The following UPF3B variants were observed in gnomAD, a reference collection of about 807,000 sequenced individuals.
UPF3B encodes the protein regulator of nonsense transcripts 3B.
In UPF3B, 7 loss-of-function variants were observed where a neutral mutation model predicts 40.3. The ratio of observed to expected loss-of-function variants is 0.17; its 90% confidence interval spans 0.10 to 0.33. The LOEUF (loss-of-function observed/expected upper bound fraction) is 0.33. Among genes scored for constraint, UPF3B ranks in the 10% least tolerant of loss-of-function variants. UPF3B has a pLI of 1.00. For synonymous variants in UPF3B, 117 were observed against 117.3 expected, an observed-to-expected ratio of 1.00 and a Z score of 0.01; for missense variants, 229 against 358.9, an observed-to-expected ratio of 0.64 and a Z score of 2.93.
intron 4 of UPF3B, among the ~76,000 whole-genome samples, chrX:119,816,190 A>G (rs2055863830): frequency 8.9e-6 from 1 of 111,732 alleles, no homozygotes; most frequent in Non-Finnish European, 1.9e-5. Flanking sequence ...GAAAGGTGGC[A>G]CTGGGGAAAG....
In UPF3B at chrX:119,834,120, T is replaced by C. The variant is rs2147778306; in HGVS notation, c.*758A>G. Reference sequence around the variant, plus strand: ...AGGAATAGACACTGGTGCAGTTTCCTTCCTGGAGAGGGTATGCACTCAGAT... The same window carrying C: ...AGGAATAGACACTGGTGCAGTTTCCCTCCTGGAGAGGGTATGCACTCAGAT... On this transcript the variant is annotated 3_prime_UTR_variant, in exon 11 of 11. Transcript: ENST00000276201. The C allele has an allele frequency of 1.3e-6, 1 of 754,682 alleles. No homozygotes were observed. Among genetic ancestry groups the C allele is most frequent in the Non-Finnish European group, 1.6e-6 (1 of 639,281 alleles). 62.2% of individuals were successfully genotyped at this position (754,682 alleles called of 1,213,427 possible).
chrX:119,838,439 T>C lies in UPF3B; in HGVS notation c.935A>G (p.Glu312Gly), dbSNP rs753647905. The change falls in exon 9 of 11, where the codon GAA becomes GGA. Residue 312 changes from glutamate to glycine, a missense_variant. By Grantham distance (98) the Glu-to-Gly change is moderately conservative. Around this residue, in one of 3 missense-constraint regions of UPF3B, gnomAD observed 119 missense variants for 153.8 expected, o/e 0.77. Transcript: ENST00000276201. Reference protein sequence around the residue: ...KKLDKENLSDERASGQSCTLP... With the variant: ...KKLDKENLSDGRASGQSCTLP... ...TGTACAACTTTGCCCACTGGCTCTT[T>C]CATCACTGAGATTCTCTTTGTCCAA... 8.3e-7 allele frequency: 1 copy of C among 1,212,049 alleles called. No homozygotes were observed. The highest frequency in any genetic ancestry group is 1.1e-6 in the Non-Finnish European group (1 of 895,410).
At chrX:119,849,486 T>A (rs2056274332) in intron 3 of UPF3B, among the ~76,000 whole-genome samples, 1 of 83,120 alleles carries the variant, frequency 1.2e-5, no homozygotes, top group Admixed American at 1.5e-4. Flanking sequence ...GAGTTAAGAC[T>A]CTGTCTCAAA....
intron 6 of UPF3B, among the ~76,000 whole-genome samples, chrX:119,806,415 A>G (rs1459937950): frequency 2.0e-5 from 2 of 101,924 alleles, no homozygotes; most frequent in South Asian, 4.8e-4. Flanking sequence ...GCACACCAGC[A>G]TGGCACATGT....
intron 4 of UPF3B, among the ~76,000 whole-genome samples, chrX:119,818,318 T>A (rs2428992): frequency 9.1e-6 from 1 of 109,460 alleles, no homozygotes; most frequent in African/African-American, 3.3e-5. Context: ...AAGCATCGGC[T>A]GGGTGTGGTG....
chrX:119,838,610 A>G lies in UPF3B; in HGVS notation c.847-83T>C, dbSNP rs2056128765. ...AAACCCAGTATACCAAATATTTAAA[A>G]TTTAGACTAGACAAAGCCCCCTATC... On this transcript the variant is annotated intron_variant, in intron 8 of 10. Transcript: ENST00000276201. 5 of 1,005,252 alleles carry G rather than the reference A, an allele frequency of 5.0e-6. No homozygotes were observed. The Admixed American group carries it at 1.2e-4, about 24-fold the overall frequency. 82.8% of individuals were successfully genotyped at this position (1,005,252 alleles called of 1,213,427 possible). A position where few individuals can be genotyped will look rare whatever the true frequency, so the allele number is the denominator to read the frequency against.
rs1432793884 is a variant in UPF3B at position 119,845,208 on chromosome X, A to G, written c.459T>C (p.Thr153=). Residue 153 remains threonine (T), a synonymous_variant, in exon 4 of 11, where the codon ACT becomes ACC. Transcript: ENST00000276201. The stretch of plus-strand genomic sequence containing the variant: ...AGAGCTATACTGTACCATCATCGAT[A>G]GTCCCGACTTTGGTATCTCTTTTCT... The part of the protein sequence containing the change: ...KTKKRDTKVG[T]IDDDPEYRKF... 1 of 1,203,828 alleles carries G rather than the reference A, an allele frequency of 8.3e-7. No homozygotes were observed. The highest frequency in any genetic ancestry group is 1.7e-5 in the African/African-American group (1 of 57,295).
chrX:119,848,572 T>C (rs891719116), intron 3 of UPF3B, among the ~76,000 whole-genome samples: 1 of 111,849 alleles, frequency 8.9e-6, no homozygotes, highest in Admixed American at 9.6e-5. Context: ...TTAATGCTAC[T>C]GAACTGTACA....
At chrX:119,827,684 C>T (rs1053949537) in intron 3 of UPF3B, among the ~76,000 whole-genome samples, 3 of 108,939 alleles carry the variant, frequency 2.8e-5, no homozygotes, top group South Asian at 3.9e-4. Context: ...CGCGAGCTAC[C>T]GCGCCCAGCC....
At chrX:119,844,900 G>T (rs1253564741) in intron 4 of UPF3B, among the ~76,000 whole-genome samples, 2 of 112,284 alleles carry the variant, frequency 1.8e-5, no homozygotes, top group Non-Finnish European at 3.8e-5. Context: ...ACCACGCCTG[G>T]CCTTTCCACT....
intron 5 of UPF3B, among the ~76,000 whole-genome samples, chrX:119,810,158 G>A (rs998896083): frequency 1.2e-4 from 13 of 112,168 alleles, no homozygotes; most frequent in African/African-American, 4.2e-4. Context: ...AATTGGTTCA[G>A]CTTACAGAAT....
At chrX:119,822,897 C>A (rs1420662198) in intron 4 of UPF3B, 2 of 800,413 alleles carry the variant, frequency 2.5e-6, no homozygotes, top group Non-Finnish European at 3.1e-6. Context: ...CATGAGCCAC[C>A]ACGCCCGGCC....
rs1229268018 is a variant in UPF3B at position 119,807,047 on chromosome X, A to G, written c.*11+428T>C. ...CTGTCTAAAAAAAAAAAAAAAAAAA[A>G]AAAAGAAAAAAAAAAAAGAAAATTC... On this transcript the variant is annotated intron_variant, in intron 6 of 6. Coordinates refer to the UPF3B transcript ENST00000636792. Among the ~76,000 whole-genome samples the G allele has an allele frequency of 6.0e-4, 59 of 97,631 alleles. 1 individual carries two copies. The highest frequency in any genetic ancestry group is 1.9e-3 in the African/African-American group (43 of 22,557). 84.8% of individuals were successfully genotyped at this position (97,631 alleles called of 115,157 possible). A position where few individuals can be genotyped will look rare whatever the true frequency, so the allele number is the denominator to read the frequency against.
chrX:119,840,588 T>C, intron 8 of UPF3B, 58 bp downstream of exon 8: 1 of 1,109,828 alleles, frequency 9.0e-7, no homozygotes, highest in Middle Eastern at 2.4e-4. Flanking sequence ...ACTTATTAGC[T>C]AAGACCTGTG....
intron 8 of UPF3B, among the ~76,000 whole-genome samples, chrX:119,840,361 A>G (rs2056146831): frequency 1.8e-5 from 2 of 111,752 alleles, no homozygotes; most frequent in Non-Finnish European, 3.8e-5. Flanking sequence ...GCCAGTTATG[A>G]GAAGCATATA....
chrX:119,806,943 C>CAGTT (rs2147748199), intron 6 of UPF3B, among the ~76,000 whole-genome samples: 1 of 96,979 alleles, frequency 1.0e-5, no homozygotes, highest in Non-Finnish European at 2.0e-5. Context: ...GCAGGAGAAT[C>CAGTT]AGTTGAACCC....
chrX:119,840,926 A>T, intron 7 of UPF3B, 150 bp downstream of exon 7: 1 of 644,066 alleles, frequency 1.6e-6, no homozygotes, highest in Non-Finnish European at 2.4e-6. Context: ...ATACTATTAC[A>T]GGAAAGATTT....
chrX:119,817,247 G>T (rs965767595), intron 4 of UPF3B, among the ~76,000 whole-genome samples: 12 of 112,130 alleles, frequency 1.1e-4, no homozygotes, highest in South Asian at 3.6e-4. Flanking sequence ...GATTACAGGG[G>T]TGAGCCACCA....
chrX:119,810,588 T>G (rs1259650925), intron 5 of UPF3B, among the ~76,000 whole-genome samples: 1 of 112,150 alleles, frequency 8.9e-6, no homozygotes, highest in Admixed American at 9.6e-5. Context: ...CTGCTTATTA[T>G]GAGAGTGTTT....
Sources: gnomAD v4.1 joint callset for allele counts (sites outside exome capture counted in the v4.1 genomes callset) on GRCh38, gnomAD v4.1.1 for gene constraint, gnomAD v4.1.1 regional missense constraint, MANE v1.5 for transcripts, NCBI Gene and HGNC (gene_info 2026-07-23, HGNC 2026-07-21) for gene names.